UBR2: variants seen among roughly 807,000 people sequenced by gnomAD.
UBR2 encodes the protein E3 ubiquitin-protein ligase UBR2.
In UBR2, 92 loss-of-function variants were observed where a neutral mutation model predicts 247.9. The observed-to-expected ratio is 0.37, with a 90% confidence interval of 0.31 to 0.44. The LOEUF is 0.44. Among genes scored for constraint, UBR2 ranks in the 20% least tolerant of loss-of-function variants. The pLI is 1.00. For synonymous variants in UBR2, 672 were observed against 693.5 expected (o/e 0.97, Z 0.49); for missense variants, 1,613 against 2,112.6 (o/e 0.76, Z 4.64).
chr6:42,681,589 A>C (rs375454331), intron 42 of UBR2, among the ~76,000 whole-genome samples: 2 of 51,096 alleles, frequency 3.9e-5, no homozygotes, highest in Non-Finnish European at 8.0e-5. Flanking sequence ...TTAAAAAAAG[A>C]AAATTACAAA....
At chr6:42,633,320 A>G (rs1241036715) in intron 13 of UBR2, among the ~76,000 whole-genome samples, 4 of 152,158 alleles carry the variant, frequency 2.6e-5, no homozygotes, top group Non-Finnish European at 5.9e-5. Flanking sequence ...TTAGAAAGGT[A>G]TGGAGCAAAG....
intron 25 of UBR2, 24 bp downstream of exon 25, chr6:42,652,669 T>G: frequency 6.3e-7 from 1 of 1,590,724 alleles, no homozygotes; most frequent in Non-Finnish European, 8.5e-7. Flanking sequence ...CATTTATTAT[T>G]TATATTTTAG....
intron 3 of UBR2, among the ~76,000 whole-genome samples, 167 bp downstream of exon 3, chr6:42,592,396 T>TTATG: frequency 6.6e-6 from 1 of 152,170 alleles, no homozygotes; most frequent in Admixed American, 6.5e-5. Context: ...TAGAAACAAA[T>TTATG]TATGAATCCA....
chr6:42,636,129 T>C (rs953623765), intron 14 of UBR2, among the ~76,000 whole-genome samples: 5 of 151,806 alleles, frequency 3.3e-5, no homozygotes, highest in Non-Finnish European at 5.9e-5. Flanking sequence ...AGAACAGAGA[T>C]TTGGGCACAG....
At chr6:42,578,481 G>A (rs1313716854) in intron 2 of UBR2, among the ~76,000 whole-genome samples, 1 of 152,156 alleles carries the variant, frequency 6.6e-6, no homozygotes, top group East Asian at 1.9e-4. Flanking sequence ...ATGAGCATTG[G>A]AAGTGTCTTT....
Position 42,659,339 on chromosome 6 carries a change from C to CAA in UBR2, c.3243-306_3243-305dup, listed in dbSNP as rs563728449. ...TGAAACCCCATCTCTACTAAAAATA[C>CAA]AAAAAAAAAAAATTAGCCGGGTGTG... On this transcript the variant is annotated intron_variant, in intron 29 of 46. Coordinates refer to ENST00000372901, the MANE Select transcript of UBR2 (RefSeq NM_001363705.2). This position sits in a 1 kb window ranked among gnomAD's most constrained non-coding sequence, Gnocchi z 4.3. 4.2e-3 allele frequency among the ~76,000 whole-genome samples: 592 copies of CAA among 141,952 alleles called. 1 individual carries two copies. The highest frequency in any genetic ancestry group is 0.014 in the African/African-American group (550 of 38,896). The allele number at this position is 141,952 out of a possible 152,430, so 93.1% of individuals were successfully genotyped here. A position where few individuals can be genotyped will look rare whatever the true frequency, so the allele number is the denominator to read the frequency against.
chr6:42,659,684 G>A lies in UBR2; in HGVS notation c.3271G>A (p.Ala1091Thr). 1 of 1,613,776 alleles carries A rather than the reference G, an allele frequency of 6.2e-7. No homozygotes were observed. The highest frequency in any genetic ancestry group is 8.5e-7 in the Non-Finnish European group (1 of 1,179,876). ...TGTGGCTTCAGATATGACACTTACA[G>A]CACTGGGCCCCGCACAAACTCAGGT... Reference protein sequence around the residue: ...SPVASDMTLTALGPAQTQVPE... With the variant: ...SPVASDMTLTTLGPAQTQVPE... The change falls in exon 30 of 47, where the codon GCA becomes ACA. Residue 1091 changes from alanine (A) to threonine (T), a missense_variant. By Grantham distance (58) the Ala-to-Thr change is moderately conservative. Coordinates refer to ENST00000372901, the MANE Select transcript of UBR2 (RefSeq NM_001363705.2). The surrounding 1 kb of genome is among the most constrained non-coding windows in gnomAD (Gnocchi z 4.3).
chr6:42,615,232 A>T (rs763158120), intron 9 of UBR2, 54 bp downstream of exon 9: 275 of 1,361,018 alleles, frequency 2.0e-4, no homozygotes, highest in Non-Finnish European at 2.6e-4. Context: ...AGTAATTGGG[A>T]TGTGAAAGGT....
Position 42,623,523 on chromosome 6 carries a change from C to T in UBR2, c.1281+6016C>T, listed in dbSNP as rs541763239. On this transcript the variant is annotated intron_variant, in intron 11 of 46. Transcript: ENST00000372901. ...CTGGAGTGCAGTGGTGTGATCTCAGCTCACTACAACCTCCGCCTTCCGGGT... is the reference window on the plus strand; with the variant it reads ...CTGGAGTGCAGTGGTGTGATCTCAGTTCACTACAACCTCCGCCTTCCGGGT... Among the ~76,000 whole-genome samples, 5 of 152,286 alleles carry T rather than the reference C, an allele frequency of 3.3e-5. No homozygotes were observed. The South Asian group carries it at 1.0e-3, about 32-fold the overall frequency.
chr6:42,631,243 A>T (rs1012302450), intron 11 of UBR2, among the ~76,000 whole-genome samples: 1 of 152,208 alleles, frequency 6.6e-6, no homozygotes, highest in East Asian at 1.9e-4. Flanking sequence ...GGAAAATGTC[A>T]GGGTGAGGAT....
intron 44 of UBR2, among the ~76,000 whole-genome samples, chr6:42,686,721 C>T (rs6941447): frequency 0.15 from 22,480 of 150,104 alleles, 1,983 homozygotes; most frequent in African/African-American, 0.25. Context: ...CCCCACCTCC[C>T]GGACGGGGCA....
At chr6:42,657,091 C>T (rs1797482205) in intron 26 of UBR2, among the ~76,000 whole-genome samples, 1 of 151,878 alleles carries the variant, frequency 6.6e-6, no homozygotes, top group South Asian at 2.1e-4. Context: ...AAAAATTAAC[C>T]GGGCATGGTG....
At chr6:42,580,189 T>C (rs1473451124) in intron 2 of UBR2, among the ~76,000 whole-genome samples, 1 of 152,112 alleles carries the variant, frequency 6.6e-6, no homozygotes, top group Non-Finnish European at 1.5e-5. Flanking sequence ...GGAATTTCCC[T>C]TGTCTACACT....
At chr6:42,597,388 G>C (rs1793041238) in intron 4 of UBR2, among the ~76,000 whole-genome samples, 1 of 151,966 alleles carries the variant, frequency 6.6e-6, no homozygotes, top group Non-Finnish European at 1.5e-5. Flanking sequence ...TTGACCCCAG[G>C]AGTTCAAGAC....
chr6:42,619,168 A>G (rs1794740464), intron 11 of UBR2, among the ~76,000 whole-genome samples: 1 of 151,808 alleles, frequency 6.6e-6, no homozygotes, highest in South Asian at 2.1e-4. Context: ...TTTCATTATT[A>G]TTTTCCAAAA....
intron 25 of UBR2, 79 bp downstream of exon 25, chr6:42,652,724 A>G (rs80313066): frequency 0.032 from 40,616 of 1,287,106 alleles, 767 homozygotes; most frequent in South Asian, 0.065. Flanking sequence ...ATCTATACAC[A>G]GGAAAACTAG....
intron 2 of UBR2, among the ~76,000 whole-genome samples, chr6:42,581,814 C>A (rs73438637): frequency 0.022 from 3,329 of 152,156 alleles, 113 homozygotes; most frequent in African/African-American, 0.075. Context: ...GATGAACATT[C>A]GAGTTGTTTC....
intron 2 of UBR2, among the ~76,000 whole-genome samples, chr6:42,586,880 G>T: frequency 7.1e-6 from 1 of 140,134 alleles, no homozygotes. Context: ...GGAGTGCAGT[G>T]GCGCAATCTC....
rs531204391 is a variant in UBR2 at position 42,572,290 on chromosome 6, C to A, written c.79-1444C>A. Among the ~76,000 whole-genome samples, 3 of 152,162 alleles carry A rather than the reference C, an allele frequency of 2.0e-5. No homozygotes were observed. In the South Asian group the frequency reaches 6.2e-4, roughly 32 times the overall value. The stretch of plus-strand genomic sequence containing the variant: ...AATTTTTACATTTTTAGTAAAAGTT[C>A]TCTGAAAACAGAAATTGACTAGAAA... On this transcript the variant is annotated intron_variant, in intron 1 of 46. Transcript: ENST00000372901.
Sources: allele counts gnomAD v4.1 joint callset (sites outside exome capture counted in the v4.1 genomes callset), GRCh38; gene constraint gnomAD v4.1.1; non-coding constraint Gnocchi (gnomAD v3.1); transcripts MANE v1.5; gene names NCBI Gene and HGNC (gene_info 2026-07-23, HGNC 2026-07-21).